Variants in SPRYD3 observed in about 807,000 individuals in gnomAD.
SPRYD3 encodes the protein SPRY domain containing 3.
Under a neutral mutation model 50.1 loss-of-function variants are expected in SPRYD3, and 17 were observed. The observed-to-expected ratio is 0.34, with a 90% CI of 0.23 to 0.51. The LOEUF is 0.51. Among genes scored for constraint, SPRYD3 ranks in the 20% least tolerant of loss-of-function variants. The pLI is 0.97. For missense variants in SPRYD3, 401 were observed against 591.2 expected (o/e 0.68, Z 3.34); for synonymous variants, 198 against 215.5 (o/e 0.92, Z 0.71).
In SPRYD3 at chr12:53,065,475, C is replaced by T. The variant is rs534549288; in HGVS notation, c.*357G>A. The T allele has an allele frequency of 1.8e-4, 42 of 228,400 alleles. No homozygotes were observed. Among genetic ancestry groups the T allele is most frequent in the African/African-American group, 9.1e-4 (41 of 44,834 alleles). 14.1% of individuals were successfully genotyped at this position (228,400 alleles called of 1,614,324 possible). A position where few individuals can be genotyped will look rare whatever the true frequency, so the allele number is the denominator to read the frequency against. On this transcript the variant is annotated 3_prime_UTR_variant, in exon 11 of 11. Coordinates refer to ENST00000301463, the MANE Select transcript of SPRYD3 (RefSeq NM_032840.3). ...TCTACCCTCTACAAAGCATCATGCC[C>T]GAATAGCAGCTGAGATAGGGTGCTC...
At chr12:53,075,268 G>A (rs781482509) in intron 3 of SPRYD3, 49 bp from the exon 4 acceptor site, 7 of 1,572,036 alleles carry the variant, frequency 4.5e-6, no homozygotes, top group Non-Finnish European at 4.4e-6. Context: ...GAAATGGGAT[G>A]AATTGCTGGG....
intron 6 of SPRYD3, among the ~76,000 whole-genome samples, chr12:53,071,822 G>A (rs933984257): frequency 3.3e-5 from 5 of 152,022 alleles, no homozygotes; most frequent in Non-Finnish European, 7.4e-5. Context: ...AGGAACGGGT[G>A]CCCCAGGAGT....
At chr12:53,070,147 C>T (rs961681392) in intron 6 of SPRYD3, among the ~76,000 whole-genome samples, 13 of 152,170 alleles carry the variant, frequency 8.5e-5, no homozygotes, top group Non-Finnish European at 1.6e-4. Context: ...GCACTTCGGA[C>T]AGAATGCTGA....
rs754999483 is a variant in SPRYD3 at position 53,066,701 on chromosome 12, G to A, written c.902-9C>T. 6.2e-7 allele frequency: 1 copy of A among 1,601,714 alleles called. No individual in the cohort carries two copies. The highest frequency in any genetic ancestry group is 1.1e-5 in the South Asian group (1 of 89,062). ...GAAGATCTTCCCATCGTCTGTTGGA[G>A]GGAGGGGAAAGGACAAACACTTGAG... On this transcript the variant is annotated splice_polypyrimidine_tract_variant and intron_variant, in intron 8 of 10. Transcript: ENST00000301463.
Position 53,075,190 on chromosome 12 carries a change from GC to G in SPRYD3, c.275del (p.Gly92AlafsTer25). 6.2e-7 allele frequency: 1 copy of G among 1,613,300 alleles called. No individual in the cohort carries two copies. The highest frequency in any genetic ancestry group is 8.5e-7 in the Non-Finnish European group (1 of 1,179,304). On this transcript the variant is annotated frameshift_variant, in exon 4 of 11. Transcript: ENST00000301463. LOFTEE classifies it high-confidence loss of function. ...GAGGGACCAGCCCCACAGCAATGGT[GC>G]CCCGGACTCCACTGTCCACAATAGA... ...EVSIVDSGVRGTIAVGLVPQY... is the reference protein window; with the variant it reads ...EVSIVDSGVRXTIAVGLVPQY...
At chr12:53,066,851 G>A (rs1292460524) in intron 8 of SPRYD3, among the ~76,000 whole-genome samples, 159 bp from the exon 9 acceptor site, 7 of 152,174 alleles carry the variant, frequency 4.6e-5, no homozygotes, top group South Asian at 2.1e-4. Context: ...GGTGGCTCAC[G>A]CCTGGAATCC....
intron 2 of SPRYD3, 131 bp from the exon 3 acceptor site, chr12:53,075,942 A>C (rs761286452): frequency 2.8e-6 from 2 of 706,978 alleles, no homozygotes; most frequent in Non-Finnish European, 5.0e-6. Flanking sequence ...ACTTCAGTAC[A>C]TCGGCAGACA....
chr12:53,066,219 T>G (rs1158433906), intron 10 of SPRYD3, 95 bp downstream of exon 10: 18 of 1,545,078 alleles, frequency 1.2e-5, no homozygotes, highest in Non-Finnish European at 1.6e-5. Flanking sequence ...GCTTCCCGTC[T>G]TTCCCACCCT....
chr12:53,075,085 G>A lies in SPRYD3; in HGVS notation c.371+10C>T, dbSNP rs1944579086. The A allele has an allele frequency of 6.2e-7, 1 of 1,610,082 alleles. No homozygotes were observed. The highest frequency in any genetic ancestry group is 8.5e-7 in the Non-Finnish European group (1 of 1,176,592). Reference sequence around the variant, plus strand: ...AGGAAAAGGGCCGGGTTGCACAGGAGCCAACTCACTTGCCATCATCAGCAT... The same window carrying A: ...AGGAAAAGGGCCGGGTTGCACAGGAACCAACTCACTTGCCATCATCAGCAT... On this transcript the variant is annotated intron_variant, in intron 4 of 10. Coordinates refer to ENST00000301463, the MANE Select transcript of SPRYD3 (RefSeq NM_032840.3).
At chr12:53,071,072 C>A (rs986068843) in intron 6 of SPRYD3, among the ~76,000 whole-genome samples, 1 of 152,152 alleles carries the variant, frequency 6.6e-6, no homozygotes, top group Non-Finnish European at 1.5e-5. Context: ...CCGGTATCCG[C>A]CCTCCTCCCC....
At chr12:53,066,216 G>A (rs1056670232) in intron 10 of SPRYD3, 98 bp downstream of exon 10, 45 of 1,542,918 alleles carry the variant, frequency 2.9e-5, no homozygotes, top group Non-Finnish European at 3.9e-5. Flanking sequence ...AGAGCTTCCC[G>A]TCTTTCCCAC....
In SPRYD3 at chr12:53,068,039, A is replaced by G. The variant is rs1944522705; in HGVS notation, c.843+116T>C. 5.7e-5 allele frequency: 68 copies of G among 1,200,150 alleles called. 1 individual carries two copies. In the South Asian group the frequency reaches 8.9e-4, roughly 16 times the overall value. The allele number at this position is 1,200,150 out of a possible 1,614,324, so 74.3% of individuals were successfully genotyped here. A position where few individuals can be genotyped will look rare whatever the true frequency, so the allele number is the denominator to read the frequency against. On this transcript the variant is annotated intron_variant, in intron 7 of 10. Coordinates refer to ENST00000301463, the MANE Select transcript of SPRYD3 (RefSeq NM_032840.3). ...CAACTGTGTTCCATCTCAGCTTAGC[A>G]CCCTCCCTCCAAAGCCTGGGCTCCC... is the stretch of plus-strand genomic sequence containing the variant.
intron 3 of SPRYD3, among the ~76,000 whole-genome samples, chr12:53,075,447 C>T (rs967561273): frequency 6.6e-6 from 1 of 152,152 alleles, no homozygotes; most frequent in African/African-American, 2.4e-5. Flanking sequence ...GGACTCACGT[C>T]CCTATATGGT....
At chr12:53,078,428 G>A (rs1944606302) in intron 1 of SPRYD3, among the ~76,000 whole-genome samples, 1 of 150,954 alleles carries the variant, frequency 6.6e-6, no homozygotes, top group African/African-American at 2.4e-5. Flanking sequence ...GGTGGAGTTT[G>A]CAGTGAGCCG....
At chr12:53,071,171 G>C (rs1484794677) in intron 6 of SPRYD3, among the ~76,000 whole-genome samples, 2 of 152,180 alleles carry the variant, frequency 1.3e-5, no homozygotes, top group Non-Finnish European at 2.9e-5. Context: ...CAGGAACCAA[G>C]TACACACTCT....
chr12:53,075,284 G>T, intron 3 of SPRYD3, 65 bp from the exon 4 acceptor site: 1 of 1,550,772 alleles, frequency 6.4e-7, no homozygotes, highest in Non-Finnish European at 8.8e-7. Context: ...CTGGGGGTGG[G>T]GGAAGGGGAC....
At chr12:53,068,499 AGG>A (rs1295333429) in intron 6 of SPRYD3, among the ~76,000 whole-genome samples, 195 bp from the exon 7 acceptor site, 2 of 152,182 alleles carry the variant, frequency 1.3e-5, no homozygotes, top group African/African-American at 2.4e-5. Context: ...TGGGAGGCAA[AGG>A]GGAGAGCACC....
At chr12:53,073,255 A>AGGCCCCGGGGGGGGGGG in intron 6 of SPRYD3, 31 bp downstream of exon 6, 10 of 383,664 alleles carry the variant, frequency 2.6e-5, no homozygotes, top group East Asian at 8.8e-5. Context: ...CCTCCGACCC[A>AGGCCCCGGGGGGGGGGG]GCCCCTCCCA....
rs751452306 is a variant in SPRYD3 at position 53,065,954 on chromosome 12, G to C, written c.1207C>G (p.Arg403Gly). 6.2e-7 allele frequency: 1 copy of C among 1,612,964 alleles called. No individual in the cohort carries two copies. The highest frequency in any genetic ancestry group is 1.1e-5 in the South Asian group (1 of 91,016). The change falls in exon 11 of 11, where the codon CGG becomes GGG. Residue 403 changes from arginine to glycine, a missense_variant. By Grantham distance (125) the Arg-to-Gly change is moderately radical. Coordinates refer to ENST00000301463, the MANE Select transcript of SPRYD3 (RefSeq NM_032840.3). ...TTCTTCCCAATGATCTTGCCATTCC[G>C]AGTGAAGAAAACCTGGGGAGGAGGT... ...EGRKVVVFFT[R>G]NGKIIGKKDA...
Sources: gnomAD v4.1 joint callset for allele counts (sites outside exome capture counted in the v4.1 genomes callset) on GRCh38, gnomAD v4.1.1 for gene constraint, MANE v1.5 for transcripts, NCBI Gene and HGNC (gene_info 2026-07-23, HGNC 2026-07-21) for gene names.